The following CREB5 variants were observed in gnomAD, a reference collection of about 807,000 sequenced individuals.
CREB5 encodes the protein cAMP responsive element binding protein 5, also known as cyclic AMP-responsive element-binding protein 5.
Under a neutral mutation model 57.1 loss-of-function variants are expected in CREB5, and 19 were observed. The ratio of observed to expected loss-of-function variants is 0.33; its 90% CI spans 0.23 to 0.49. CREB5 has a LOEUF of 0.49. CREB5 is among the 20% of genes least tolerant of loss of function. CREB5 has a pLI of 0.99. For synonymous variants in CREB5, 238 were observed against 238.3 expected (o/e 1.00, Z 0.01); for missense variants, 579 against 671.6 (o/e 0.86, Z 1.52).
At chr7:28,767,973 A>C (rs1806100582) in intron 7 of CREB5, among the ~76,000 whole-genome samples, 1 of 152,266 alleles carries the variant, frequency 6.6e-6, no homozygotes. Context: ...AAGAAAGAAC[A>C]GTCTTTAAAG....
chr7:28,311,944 G>A (rs993103553), intron 1 of CREB5, among the ~76,000 whole-genome samples: 1 of 152,180 alleles, frequency 6.6e-6, no homozygotes, highest in African/African-American at 2.4e-5. Flanking sequence ...CTTCTCAGAG[G>A]TTTGGGCTGT....
intron 1 of CREB5, among the ~76,000 whole-genome samples, chr7:28,423,879 A>T (rs1450662628): frequency 6.6e-6 from 1 of 152,170 alleles, no homozygotes; most frequent in Non-Finnish European, 1.5e-5. Context: ...TCTGGCACTC[A>T]GTGGGTCTAG....
intron 5 of CREB5, among the ~76,000 whole-genome samples, chr7:28,632,241 A>G (rs1480721727): frequency 6.6e-6 from 1 of 152,172 alleles, no homozygotes; most frequent in Non-Finnish European, 1.5e-5. Flanking sequence ...GTTTCCCCTG[A>G]TTTCTAGCAG....
intron 1 of CREB5, among the ~76,000 whole-genome samples, chr7:28,337,788 T>C (rs981785803): frequency 1.3e-5 from 2 of 152,120 alleles, no homozygotes; most frequent in African/African-American, 4.8e-5. Context: ...ATTTCCTTCC[T>C]TCTTGTCTTT....
chr7:28,818,966 T>C (rs1165605166), intron 10 of CREB5, 150 bp from the exon 11 acceptor site: 53 of 926,578 alleles, frequency 5.7e-5, no homozygotes, highest in Non-Finnish European at 8.5e-5. Context: ...AAATAAAGTT[T>C]TGAAATTAAC....
intron 5 of CREB5, among the ~76,000 whole-genome samples, chr7:28,639,843 A>T (rs41315): frequency 3.3e-5 from 5 of 152,118 alleles, no homozygotes; most frequent in African/African-American, 9.6e-5. Flanking sequence ...AGTGAAAATC[A>T]ATGCCACAAA....
At chr7:28,402,983 T>C (rs1787504437) in intron 1 of CREB5, among the ~76,000 whole-genome samples, 1 of 152,222 alleles carries the variant, frequency 6.6e-6, no homozygotes, top group African/African-American at 2.4e-5. Flanking sequence ...TCCAAGAGCA[T>C]GGCATTTTTG....
intron 5 of CREB5, among the ~76,000 whole-genome samples, chr7:28,696,699 A>T (rs978974052): frequency 6.6e-6 from 1 of 152,134 alleles, no homozygotes; most frequent in African/African-American, 2.4e-5. Context: ...ATGTACACAT[A>T]TATATACACC....
chr7:28,800,803 C>T (rs961828975), intron 7 of CREB5, among the ~76,000 whole-genome samples: 1 of 152,224 alleles, frequency 6.6e-6, no homozygotes, highest in Non-Finnish European at 1.5e-5. Flanking sequence ...CTCTTGTCAG[C>T]TCTTCTAGCC....
At chr7:28,357,089 C>T (rs1786361915) in intron 1 of CREB5, among the ~76,000 whole-genome samples, 1 of 152,166 alleles carries the variant, frequency 6.6e-6, no homozygotes, top group Admixed American at 6.5e-5. Flanking sequence ...CTCGCTAAAG[C>T]CACAGAAGGA....
At chr7:28,677,228 A>T (rs1205388672) in intron 5 of CREB5, among the ~76,000 whole-genome samples, 1 of 152,214 alleles carries the variant, frequency 6.6e-6, no homozygotes, top group African/African-American at 2.4e-5. Flanking sequence ...AATTTCCATG[A>T]CCATAGGATG....
intron 7 of CREB5, among the ~76,000 whole-genome samples, chr7:28,799,862 T>A (rs1808263442): frequency 6.6e-6 from 1 of 152,256 alleles, no homozygotes; most frequent in Non-Finnish European, 1.5e-5. Flanking sequence ...TCTGCTAACC[T>A]TGGTTGACTA....
intron 7 of CREB5, among the ~76,000 whole-genome samples, chr7:28,792,323 A>G (rs1583755877): frequency 6.6e-6 from 1 of 151,912 alleles, no homozygotes; most frequent in East Asian, 1.9e-4. Flanking sequence ...TTGCCAAATA[A>G]TAAGTGTCAT....
chr7:28,571,857 G>T (rs563388748), intron 5 of CREB5, among the ~76,000 whole-genome samples: 57 of 152,332 alleles, frequency 3.7e-4, no homozygotes, highest in Admixed American at 1.4e-3. Context: ...CAGTTCTGTT[G>T]CTGGTCGCTG....
intron 1 of CREB5, among the ~76,000 whole-genome samples, chr7:28,367,841 A>C (rs1463162235): frequency 2.0e-5 from 3 of 151,860 alleles, no homozygotes; most frequent in African/African-American, 7.3e-5. Flanking sequence ...ACAAACAAAC[A>C]AAAAACAACA....
chr7:28,782,812 G>A (rs528466248), intron 7 of CREB5, among the ~76,000 whole-genome samples: 13 of 152,314 alleles, frequency 8.5e-5, no homozygotes, highest in Non-Finnish European at 1.8e-4. Context: ...AATGGTGAGG[G>A]GAAGAGAGAC....
intron 6 of CREB5, among the ~76,000 whole-genome samples, chr7:28,720,398 A>T (rs1802960693): frequency 6.6e-6 from 1 of 152,198 alleles, no homozygotes; most frequent in Non-Finnish European, 1.5e-5. Flanking sequence ...CATTTTACAG[A>T]TGAAAAGCTG....
chr7:28,465,150 G>C (rs1790511726), intron 1 of CREB5, among the ~76,000 whole-genome samples: 4 of 152,180 alleles, frequency 2.6e-5, no homozygotes, highest in African/African-American at 9.7e-5. Flanking sequence ...TGCAGCTTCA[G>C]GTGAGCTCTA....
At chr7:28,401,309 G>C (rs985418924) in intron 1 of CREB5, among the ~76,000 whole-genome samples, 1 of 151,958 alleles carries the variant, frequency 6.6e-6, no homozygotes, top group Non-Finnish European at 1.5e-5. Flanking sequence ...ATAGAACCAG[G>C]TCAAGCCATT....
Sources: allele counts gnomAD v4.1 joint callset (sites outside exome capture counted in the v4.1 genomes callset), GRCh38; gene constraint gnomAD v4.1.1; transcripts MANE v1.5; gene names NCBI Gene and HGNC (gene_info 2026-07-23, HGNC 2026-07-21).